The following EIF2B3 variants were observed in gnomAD, a reference collection of about 807,000 sequenced individuals.
The protein encoded by EIF2B3 is translation initiation factor eIF2B subunit gamma.
In EIF2B3, 20 loss-of-function variants were observed where a neutral mutation model predicts 54.1. The observed-to-expected ratio is 0.37, with a 90% CI of 0.26 to 0.54. The LOEUF is 0.54. EIF2B3 is among the 20% of genes least tolerant of loss of function. EIF2B3 has a pLI of 0.86. For synonymous variants in EIF2B3, 153 were observed against 188.1 expected, an observed-to-expected ratio of 0.81 and a Z score of 1.52; for missense variants, 448 against 547.8, an observed-to-expected ratio of 0.82 and a Z score of 1.82.
intron 1 of EIF2B3, among the ~76,000 whole-genome samples, chr1:44,982,927 T>TGCCC (rs1165941334): frequency 6.6e-6 from 1 of 152,144 alleles, no homozygotes; most frequent in Non-Finnish European, 1.5e-5. Context: ...CACGCCCAGC[T>TGCCC]GCCCAGCTAA....
intron 5 of EIF2B3, among the ~76,000 whole-genome samples, chr1:44,901,913 A>C (rs12084076): frequency 0.073 from 11,163 of 152,172 alleles, 1,409 homozygotes; most frequent in African/African-American, 0.26. Context: ...TTTAAGAAAT[A>C]AAATCTATAC....
At chr1:44,949,193 G>A (rs955800199) in intron 3 of EIF2B3, among the ~76,000 whole-genome samples, 1 of 151,976 alleles carries the variant, frequency 6.6e-6, no homozygotes, top group African/African-American at 2.4e-5. Context: ...TGATAGAGTC[G>A]ACTGCCAAGA....
At chr1:44,895,526 C>T (rs72674102) in intron 6 of EIF2B3, among the ~76,000 whole-genome samples, 52 of 150,822 alleles carry the variant, frequency 3.4e-4, no homozygotes, top group African/African-American at 1.3e-3. Flanking sequence ...CTCTCTCTCT[C>T]TCTATATATA....
chr1:44,879,284 A>G (rs1413150008), intron 8 of EIF2B3, among the ~76,000 whole-genome samples: 1 of 152,074 alleles, frequency 6.6e-6, no homozygotes, highest in Non-Finnish European at 1.5e-5. Context: ...TTTGTTCCCC[A>G]TATCTCACAA....
intron 10 of EIF2B3, among the ~76,000 whole-genome samples, chr1:44,871,518 C>T (rs1283896779): frequency 6.6e-6 from 1 of 152,220 alleles, no homozygotes; most frequent in African/African-American, 2.4e-5. Flanking sequence ...AGCCTTGTCT[C>T]TTGTATCCAT....
intron 5 of EIF2B3, among the ~76,000 whole-genome samples, chr1:44,910,187 T>C (rs1029111698): frequency 6.6e-6 from 1 of 152,218 alleles, no homozygotes; most frequent in South Asian, 2.1e-4. Context: ...TAAAAACATA[T>C]GTCTGTCAGA....
chr1:44,945,593 A>G (rs1442147737), intron 3 of EIF2B3, among the ~76,000 whole-genome samples: 1 of 43,144 alleles, frequency 2.3e-5, no homozygotes, highest in Admixed American at 2.8e-4. Context: ...CTCTTTAGGA[A>G]AAAAAAAAAC....
rs536786635 is a variant in EIF2B3, at chr1:44,881,939, C to A, written c.657-200G>T. 6.6e-6 allele frequency among the ~76,000 whole-genome samples: 1 copy of A among 152,212 alleles called. No homozygotes were observed. The highest frequency in any genetic ancestry group is 2.1e-4 in the South Asian group (1 of 4,828). Reference sequence around the variant, plus strand: ...TGGGTACTGAGACAGGATGTTGGGTCTAAGTGATCAGGAATCTGTACTAGG... The same window carrying A: ...TGGGTACTGAGACAGGATGTTGGGTATAAGTGATCAGGAATCTGTACTAGG... On this transcript the variant is annotated intron_variant, in intron 6 of 11. Transcript: ENST00000360403. This position sits in a 1 kb window ranked among gnomAD's most constrained non-coding sequence, Gnocchi z 4.0.
rs866237146 is a variant in EIF2B3, at chr1:44,957,476, A to T, written c.295-15811T>A. On this transcript the variant is annotated intron_variant, in intron 3 of 11. Coordinates refer to ENST00000360403, the MANE Select transcript of EIF2B3 (RefSeq NM_020365.5). Reference sequence around the variant, plus strand: ...TATAAAAAGATATTTAACTTCACTCATAATAAGAAAAATGCAGCTCACACC... The same window carrying T: ...TATAAAAAGATATTTAACTTCACTCTTAATAAGAAAAATGCAGCTCACACC... 3.9e-5 allele frequency among the ~76,000 whole-genome samples: 6 copies of T among 152,328 alleles called. 1 individual carries two copies. The Middle Eastern group carries it at 0.02, about 518-fold the overall frequency.
At position 44,941,610 on chromosome 1, in the gene EIF2B3, A is replaced by G. The variant is rs1423018308; in HGVS notation, c.350T>C (p.Val117Ala). 2 of 1,614,120 alleles carry G rather than the reference A, an allele frequency of 1.2e-6. No homozygotes were observed. The highest frequency in any genetic ancestry group is 1.1e-5 in the South Asian group (1 of 91,082). ...DLITDVALHE[V>A]VDLFRAYDAS... ...ATCATAAGCTCTAAACAGGTCCACA[A>G]CCTCATGTAAGGCAACGTCTGTTAT... is the stretch of plus-strand genomic sequence containing the variant. Residue 117 changes from valine to alanine, a missense_variant, in exon 4 of 12, where the codon GTT becomes GCT. By Grantham distance (64) the Val-to-Ala change is moderately conservative. Transcript: ENST00000360403.
intron 3 of EIF2B3, among the ~76,000 whole-genome samples, chr1:44,973,401 A>G (rs1644421897): frequency 6.6e-6 from 1 of 152,234 alleles, no homozygotes; most frequent in East Asian, 1.9e-4. Context: ...ATGCTACAAT[A>G]TGGATGAACC....
At chr1:44,950,301 G>A (rs1401651158) in intron 3 of EIF2B3, among the ~76,000 whole-genome samples, 1 of 152,124 alleles carries the variant, frequency 6.6e-6, no homozygotes, top group Non-Finnish European at 1.5e-5. Flanking sequence ...GTGCATGCCT[G>A]TAGTCCCAGC....
intron 8 of EIF2B3, 72 bp from the exon 9 acceptor site, chr1:44,875,767 A>T: frequency 8.7e-7 from 1 of 1,143,418 alleles, no homozygotes; most frequent in Non-Finnish European, 1.3e-6. Context: ...CTCTCCCTCT[A>T]CCTCTCCCAC....
At chr1:44,862,818 C>T (rs1054318620) in intron 10 of EIF2B3, among the ~76,000 whole-genome samples, 1 of 151,996 alleles carries the variant, frequency 6.6e-6, no homozygotes, top group Non-Finnish European at 1.5e-5. Context: ...AGGCTGGTCT[C>T]GAATGCCTGA....
chr1:44,929,801 A>G (rs998191420), intron 4 of EIF2B3, among the ~76,000 whole-genome samples: 1 of 152,306 alleles, frequency 6.6e-6, no homozygotes, highest in African/African-American at 2.4e-5. Context: ...TTTTTCAGCT[A>G]TGTTGCACTT....
intron 3 of EIF2B3, among the ~76,000 whole-genome samples, chr1:44,965,945 T>G (rs7519454): frequency 2.6e-5 from 4 of 151,624 alleles, no homozygotes; most frequent in African/African-American, 9.7e-5. Context: ...TGGCCAAAAG[T>G]GTATACCATA....
Position 44,874,669 on chromosome 1 carries a change from GA to G in EIF2B3, c.1202+8del. On this transcript the variant is annotated splice_region_variant and intron_variant, in intron 10 of 11. Coordinates refer to ENST00000360403, the MANE Select transcript of EIF2B3 (RefSeq NM_020365.5). ...TCTTTGCCTCAAGTGGGTACAGGGG[GA>G]AACATACCCTTCCTCCACAGTGACT... 6.2e-7 allele frequency: 1 copy of G among 1,614,006 alleles called. No individual in the cohort carries two copies. Among genetic ancestry groups the G allele is most frequent in the Non-Finnish European group, 8.5e-7 (1 of 1,179,958 alleles).
intron 5 of EIF2B3, among the ~76,000 whole-genome samples, chr1:44,922,655 T>C (rs1643772092): frequency 6.6e-6 from 1 of 151,606 alleles, no homozygotes; most frequent in Non-Finnish European, 1.5e-5. Context: ...ACAATACTGA[T>C]TTTTTCAATC....
At chr1:44,877,219 A>AAAAAC (rs1655222076) in intron 8 of EIF2B3, among the ~76,000 whole-genome samples, 1 of 150,508 alleles carries the variant, frequency 6.6e-6, no homozygotes, top group Admixed American at 6.6e-5. Flanking sequence ...AAAAAAAAAA[A>AAAAAC]AAACACCTTA....
Sources: allele counts gnomAD v4.1 joint callset (sites outside exome capture counted in the v4.1 genomes callset), GRCh38; gene constraint gnomAD v4.1.1; non-coding constraint Gnocchi (gnomAD v3.1); transcripts MANE v1.5; gene names NCBI Gene and HGNC (gene_info 2026-07-23, HGNC 2026-07-21).